The following ZBTB20 variants were observed in gnomAD, a reference collection of about 807,000 sequenced individuals.
The protein encoded by ZBTB20 is zinc finger and BTB domain containing 20, also known as zinc finger and BTB domain-containing protein 20.
In ZBTB20, 9 loss-of-function variants were observed where a neutral mutation model predicts 56.9. The ratio of observed to expected loss-of-function variants is 0.16; its 90% CI spans 0.10 to 0.28. ZBTB20 has a LOEUF of 0.28. ZBTB20 is among the 10% of genes least tolerant of loss of function. ZBTB20 has a pLI of 1.00. For synonymous variants in ZBTB20, 417 were observed against 420.7 expected (o/e 0.99, Z 0.11); for missense variants, 655 against 1,003.0 (o/e 0.65, Z 4.69).
intron 2 of ZBTB20, among the ~76,000 whole-genome samples, chr3:115,045,682 A>T (rs1186881597): frequency 6.6e-6 from 1 of 152,202 alleles, no homozygotes; most frequent in Non-Finnish European, 1.5e-5. Context: ...AAACCAAATA[A>T]GAGAGAAAGA....
At chr3:114,615,895 A>G (rs2057904500) in intron 6 of ZBTB20, among the ~76,000 whole-genome samples, 1 of 152,226 alleles carries the variant, frequency 6.6e-6, no homozygotes, top group African/African-American at 2.4e-5. Flanking sequence ...TACGATGTCA[A>G]TAGAACCCCT....
rs190028062 is a variant in ZBTB20 at position 114,750,640 on chromosome 3, C to T, written c.-343+50461G>A. 4.6e-5 allele frequency among the ~76,000 whole-genome samples: 7 copies of T among 152,264 alleles called. No homozygotes were observed. The East Asian group carries it at 1.4e-3, about 29-fold the overall frequency. ...AGGCAGCTTGGTACTCAACTGTCAT[C>T]ACAATTCATTTGTGTTTCACGTCCC... On this transcript the variant is annotated intron_variant, in intron 5 of 11. Transcript: ENST00000675478.
At chr3:114,988,818 T>C (rs1347460690) in intron 2 of ZBTB20, among the ~76,000 whole-genome samples, 4 of 152,140 alleles carry the variant, frequency 2.6e-5, no homozygotes, top group South Asian at 2.1e-4. Context: ...TGGTGTCTCA[T>C]TGTGGTTTTG....
chr3:114,469,797 C>T (rs1351316556), intron 7 of ZBTB20, among the ~76,000 whole-genome samples: 2 of 152,110 alleles, frequency 1.3e-5, no homozygotes, highest in African/African-American at 4.8e-5. Flanking sequence ...TCATGATGTT[C>T]AAATTGCCTC....
intron 7 of ZBTB20, among the ~76,000 whole-genome samples, chr3:114,429,034 A>C (rs950023456): frequency 2.0e-5 from 3 of 152,170 alleles, no homozygotes; most frequent in African/African-American, 7.2e-5. Context: ...CTATAGATAT[A>C]GATAAGTCTG....
intron 1 of ZBTB20, among the ~76,000 whole-genome samples, chr3:115,093,095 CAA>C (rs2083258692): frequency 6.6e-6 from 1 of 152,076 alleles, no homozygotes; most frequent in African/African-American, 2.4e-5. Flanking sequence ...ATGATGTACT[CAA>C]AGTCACAAAG....
intron 5 of ZBTB20, among the ~76,000 whole-genome samples, chr3:114,720,438 T>C (rs1327558904): frequency 6.6e-6 from 1 of 152,076 alleles, no homozygotes; most frequent in African/African-American, 2.4e-5. Context: ...TACTCTACCA[T>C]TGACGTAACT....
chr3:114,380,891 G>C lies in ZBTB20; in HGVS notation c.-104C>G. ...GTACTAGCTGTGCCTCTAACTTGCT[G>C]TGTGGCCTTGGGCACCTCACTTCAC... On this transcript the variant is annotated 5_prime_UTR_variant, in exon 9 of 12. Transcript: ENST00000675478. 9.2e-7 allele frequency: 1 copy of C among 1,082,354 alleles called. No homozygotes were observed. Among genetic ancestry groups the C allele is most frequent in the Non-Finnish European group, 1.2e-6 (1 of 806,714 alleles). 67.0% of individuals were successfully genotyped at this position (1,082,354 alleles called of 1,614,324 possible).
At chr3:115,106,233 T>C (rs1225912401) in intron 1 of ZBTB20, among the ~76,000 whole-genome samples, 2 of 133,412 alleles carry the variant, frequency 1.5e-5, no homozygotes, top group Non-Finnish European at 3.3e-5. Flanking sequence ...ACAATAATTC[T>C]TTTTTTTTTT....
intron 10 of ZBTB20, among the ~76,000 whole-genome samples, chr3:114,377,071 C>T (rs1185671217): frequency 6.6e-6 from 1 of 152,198 alleles, no homozygotes; most frequent in African/African-American, 2.4e-5. Context: ...TTTAGTCCTG[C>T]TTAAGCATTT....
chr3:114,707,807 T>C (rs929807299), intron 5 of ZBTB20, among the ~76,000 whole-genome samples: 1 of 152,196 alleles, frequency 6.6e-6, no homozygotes, highest in Admixed American at 6.5e-5. Flanking sequence ...TCCACAGATA[T>C]CATGACTGAT....
At chr3:114,826,272 T>C (rs1484119651) in intron 4 of ZBTB20, among the ~76,000 whole-genome samples, 1 of 151,752 alleles carries the variant, frequency 6.6e-6, no homozygotes, top group East Asian at 1.9e-4. Flanking sequence ...TTTTATACAT[T>C]CATTTTCAAT....
chr3:115,117,471 A>C (rs2084052912), intron 1 of ZBTB20, among the ~76,000 whole-genome samples: 1 of 152,176 alleles, frequency 6.6e-6, no homozygotes, highest in South Asian at 2.1e-4. Flanking sequence ...TTTTCTGTAT[A>C]AAGCAGGGAA....
At chr3:114,610,922 A>G (rs750346029) in intron 6 of ZBTB20, among the ~76,000 whole-genome samples, 3 of 152,196 alleles carry the variant, frequency 2.0e-5, no homozygotes, top group African/African-American at 7.2e-5. Flanking sequence ...AGTTGAATAT[A>G]TAAGTAATAT....
At chr3:114,812,975 C>A (rs1381245817) in intron 4 of ZBTB20, among the ~76,000 whole-genome samples, 3 of 150,670 alleles carry the variant, frequency 2.0e-5, no homozygotes, top group East Asian at 3.9e-4. Flanking sequence ...CCCACGCCCA[C>A]CCGGGACTCG....
At chr3:114,989,288 A>C (rs1284510138) in intron 2 of ZBTB20, among the ~76,000 whole-genome samples, 1 of 152,194 alleles carries the variant, frequency 6.6e-6, no homozygotes, top group Non-Finnish European at 1.5e-5. Context: ...ATAAGGCGTA[A>C]GGAAGGGATC....
intron 3 of ZBTB20, among the ~76,000 whole-genome samples, chr3:114,918,988 A>C (rs1211224332): frequency 6.6e-6 from 1 of 152,122 alleles, no homozygotes; most frequent in Non-Finnish European, 1.5e-5. Flanking sequence ...TTTATTTAGG[A>C]CCCCAGAGAA....
intron 2 of ZBTB20, among the ~76,000 whole-genome samples, chr3:114,996,315 G>A (rs1277991729): frequency 6.6e-6 from 1 of 151,744 alleles, no homozygotes; most frequent in Admixed American, 6.6e-5. Flanking sequence ...CCATCAACCT[G>A]TCATCTACAT....
chr3:114,737,293 G>A (rs1167982044), intron 5 of ZBTB20, among the ~76,000 whole-genome samples: 1 of 152,074 alleles, frequency 6.6e-6, no homozygotes, highest in Admixed American at 6.6e-5. Flanking sequence ...GAATGGAGAT[G>A]TCTAACTTTT....
Sources: allele counts gnomAD v4.1 joint callset (sites outside exome capture counted in the v4.1 genomes callset), GRCh38; gene constraint gnomAD v4.1.1; transcripts MANE v1.5; gene names NCBI Gene and HGNC (gene_info 2026-07-23, HGNC 2026-07-21).